TOPAZ1: variants seen among roughly 807,000 people sequenced by gnomAD.
The protein encoded by TOPAZ1 is protein TOPAZ1.
TOPAZ1 carries 66 observed loss-of-function variants against 172.2 expected under a neutral mutation model. The observed-to-expected ratio is 0.38, with a 90% CI of 0.31 to 0.47. The LOEUF is 0.47. Ranked by LOEUF, TOPAZ1 falls within the 20% of genes least tolerant of loss-of-function variation. The probability of loss-of-function intolerance (pLI) is 0.99; values close to 1 mark genes in which losing one functional copy is unlikely to be tolerated. For missense variants in TOPAZ1, 1,822 were observed against 1,972.4 expected, an observed-to-expected ratio of 0.92 and a Z score of 1.44; for synonymous variants, 681 against 683.9, an observed-to-expected ratio of 1.00 and a Z score of 0.07.
At chr3:44,307,022 T>TTTTG (rs1025588750) in intron 15 of TOPAZ1, among the ~76,000 whole-genome samples, 2 of 152,238 alleles carry the variant, frequency 1.3e-5, no homozygotes, top group East Asian at 3.9e-4. Context: ...TGTGGGGTTT[T>TTTTG]TTTGTTTGTT....
intron 12 of TOPAZ1, among the ~76,000 whole-genome samples, chr3:44,300,903 A>AAC (rs905360009): frequency 2.0e-5 from 3 of 152,160 alleles, no homozygotes; most frequent in African/African-American, 7.2e-5. Flanking sequence ...GAGTAGTTAT[A>AAC]GTTAAACTGT....
chr3:44,322,989 G>T, intron 17 of TOPAZ1, 103 bp from the exon 18 acceptor site: 3 of 700,956 alleles, frequency 4.3e-6, no homozygotes, highest in Non-Finnish European at 4.6e-6. Flanking sequence ...CCTATAATGG[G>T]TAAGAAAGGG....
chr3:44,270,775 A>G lies in TOPAZ1; in HGVS notation c.3337A>G (p.Lys1113Glu), dbSNP rs1464046979. ...ACGTGGCTGTGAGCGACCACTGTGC[A>G]AGTTTGCTCATGTGCCTGAACAAGG... ...TLRGCERPLC[K>E]FAHVPEQGDE... The change falls in exon 8 of 20, where the codon AAG (lysine) becomes GAG (glutamate). Residue 1113 changes from lysine (K) to glutamate (E), a missense_variant. Physicochemically the swap from Lys to Glu is moderately conservative, Grantham distance 56. This residue lies in a region of TOPAZ1 where 1,489 missense variants were observed against 1,490.8 expected (regional missense o/e 1.00). Coordinates refer to ENST00000309765, the MANE Select transcript of TOPAZ1 (RefSeq NM_001145030.2). 1.9e-6 allele frequency: 3 copies of G among 1,550,708 alleles called. No homozygotes were observed. The highest frequency in any genetic ancestry group is 2.6e-6 in the Non-Finnish European group (3 of 1,146,392).
In TOPAZ1 at chr3:44,331,863, G is replaced by A. The variant is rs1399322081; in HGVS notation, c.4931G>A (p.Arg1644His). 1.6e-5 allele frequency: 25 copies of A among 1,551,742 alleles called. No individual in the cohort carries two copies. The East Asian group carries it at 4.6e-4, about 29-fold the overall frequency. Reference protein sequence around the residue: ...AAVERLIMAARISDPKLFVKH... With the variant: ...AAVERLIMAAHISDPKLFVKH... ...GTAGAAAGGTTAATTATGGCTGCTC[G>A]TATATCAGATCCAAAGCTTTTCGTT... Residue 1644 changes from arginine (R) to histidine (H), a missense_variant, in exon 20 of 20, where the codon CGT (arginine) becomes CAT (histidine). Physicochemically the swap from Arg to His is conservative, Grantham distance 29 (BLOSUM62 0). Around this residue, in one of 2 missense-constraint regions of TOPAZ1, gnomAD observed 333 missense variants for 481.7 expected, o/e 0.69. Transcript: ENST00000309765.
downstream of TOPAZ1, among the ~76,000 whole-genome samples, chr3:44,334,372 C>G (rs1415746482): frequency 6.6e-6 from 1 of 152,172 alleles, no homozygotes; most frequent in East Asian, 1.9e-4. Flanking sequence ...CTGGCTACTT[C>G]TTGCTGAAAG....
At chr3:44,285,614 G>A (rs899317049) in intron 9 of TOPAZ1, among the ~76,000 whole-genome samples, 67 of 152,150 alleles carry the variant, frequency 4.4e-4, no homozygotes, top group African/African-American at 1.6e-3. Flanking sequence ...CGGTCGCCCA[G>A]GCTGGAGTGC....
chr3:44,292,000 G>A (rs1004764033), intron 12 of TOPAZ1, among the ~76,000 whole-genome samples: 4 of 152,148 alleles, frequency 2.6e-5, no homozygotes, highest in Non-Finnish European at 5.9e-5. Context: ...GTAGTCATTT[G>A]TTCAGTGTCT....
intron 8 of TOPAZ1, among the ~76,000 whole-genome samples, chr3:44,275,311 T>A (rs1033695953): frequency 2.6e-5 from 4 of 152,142 alleles, no homozygotes; most frequent in African/African-American, 9.7e-5. Flanking sequence ...ACCTTCCAAC[T>A]GTATGTTTAT....
At chr3:44,321,908 T>C (rs953022657) in intron 17 of TOPAZ1, among the ~76,000 whole-genome samples, 1 of 152,196 alleles carries the variant, frequency 6.6e-6, no homozygotes, top group Non-Finnish European at 1.5e-5. Flanking sequence ...AATCTCTTAA[T>C]ATACAATTAG....
intron 4 of TOPAZ1, among the ~76,000 whole-genome samples, chr3:44,257,948 C>G (rs1699733337): frequency 1.3e-5 from 2 of 151,998 alleles, no homozygotes; most frequent in Admixed American, 1.3e-4. Context: ...AATGAAGATT[C>G]ATAAGAGGTT....
At chr3:44,291,746 T>G (rs932731186) in intron 12 of TOPAZ1, among the ~76,000 whole-genome samples, 1 of 151,380 alleles carries the variant, frequency 6.6e-6, no homozygotes, top group African/African-American at 2.4e-5. Flanking sequence ...AGATATAAAT[T>G]ATGTGTTTAA....
intron 8 of TOPAZ1, among the ~76,000 whole-genome samples, chr3:44,279,553 T>A (rs1004158984): frequency 1.3e-5 from 2 of 152,196 alleles, no homozygotes; most frequent in Non-Finnish European, 2.9e-5. Context: ...ATTGATCCAT[T>A]TGTCTTTAAA....
rs1477605695 is a variant in TOPAZ1 at position 44,254,914 on chromosome 3, A to G, written c.2766-54A>G. 17 of 1,316,202 alleles carry G rather than the reference A, an allele frequency of 1.3e-5. No individual in the cohort carries two copies. In the Admixed American group the frequency reaches 3.3e-4, roughly 25 times the overall value. The allele number at this position is 1,316,202 out of a possible 1,614,324, so 81.5% of individuals were successfully genotyped here. On this transcript the variant is annotated intron_variant, in intron 2 of 19. Transcript: ENST00000309765. ...CTATTATTAATGTTTAGAGAAGTGG[A>G]TAGTTCTGCTTAGAATCTATTATAA...
Position 44,256,160 on chromosome 3 carries a change from TA to T in TOPAZ1, c.2841del (p.Lys947AsnfsTer7). 1 of 1,504,632 alleles carries T rather than the reference TA, an allele frequency of 6.6e-7. No homozygotes were observed. Among genetic ancestry groups the T allele is most frequent in the Non-Finnish European group, 8.8e-7 (1 of 1,132,566 alleles). 93.2% of individuals were successfully genotyped at this position (1,504,632 alleles called of 1,614,324 possible). A position where few individuals can be genotyped will look rare whatever the true frequency, so the allele number is the denominator to read the frequency against. On this transcript the variant is annotated frameshift_variant, in exon 4 of 20. Coordinates refer to ENST00000309765, the MANE Select transcript of TOPAZ1 (RefSeq NM_001145030.2). LOFTEE classifies it high-confidence loss of function. The part of the protein sequence containing the change: ...ICASNSAESE[I>X]KRDPKDVNTS... ...TATTATTTCTTTTCAGAAAGTGAAA[TA>T]AAACGTGATCCCAAAGATGTAAACA...
At chr3:44,334,917 A>G (rs1700706747), downstream of TOPAZ1, among the ~76,000 whole-genome samples, 1 of 152,184 alleles carries the variant, frequency 6.6e-6, no homozygotes, top group African/African-American at 2.4e-5. Flanking sequence ...TAGTGCTGAT[A>G]GACTTGTGCT....
At chr3:44,249,785 C>T (rs891210981) in intron 2 of TOPAZ1, among the ~76,000 whole-genome samples, 2 of 152,154 alleles carry the variant, frequency 1.3e-5, no homozygotes, top group East Asian at 1.9e-4. Context: ...TAAATGGAGA[C>T]AGTGAATCCT....
intron 4 of TOPAZ1, among the ~76,000 whole-genome samples, chr3:44,256,977 G>GTGTATGTATGTACAAGTA (rs550878907): frequency 2.6e-5 from 4 of 151,960 alleles, no homozygotes; most frequent in Non-Finnish European, 5.9e-5. Flanking sequence ...TCCACTATAT[G>GTGTATGTATGTACAAGTA]TGTATGTATG....
intron 6 of TOPAZ1, among the ~76,000 whole-genome samples, chr3:44,267,477 A>C (rs1278937495): frequency 5.3e-5 from 8 of 151,834 alleles, no homozygotes; most frequent in Admixed American, 5.2e-4. Context: ...TTGTATTTTT[A>C]GTAGAGACGG....
At position 44,269,471 on chromosome 3, in the gene TOPAZ1, C is replaced by CTTTTTTTTTTTTTTTTTTTTT. The variant is rs71085612; in HGVS notation, c.3246+181_3246+201dup. ...CCTTTTGATTGTATTTCCCTATCAT[C>CTTTTTTTTTTTTTTTTTTTTT]TTTTTTTTTTTTTTTTTTTTTTTTT... is the stretch of plus-strand genomic sequence containing the variant. On this transcript the variant is annotated intron_variant, in intron 7 of 19. Transcript: ENST00000309765. Among the ~76,000 whole-genome samples, 58 of 33,934 alleles carry CTTTTTTTTTTTTTTTTTTTTT rather than the reference C, an allele frequency of 1.7e-3. 7 individuals are homozygous for CTTTTTTTTTTTTTTTTTTTTT. The highest frequency in any genetic ancestry group is 0.036 in the Middle Eastern group (1 of 28). The allele number at this position is 33,934 out of a possible 152,430, so 22.3% of individuals were successfully genotyped here.
Sources: gnomAD v4.1 joint callset for allele counts (sites outside exome capture counted in the v4.1 genomes callset) on GRCh38, gnomAD v4.1.1 for gene constraint, gnomAD v4.1.1 regional missense constraint, MANE v1.5 for transcripts, NCBI Gene and HGNC (gene_info 2026-07-23, HGNC 2026-07-21) for gene names.